Variants in AIG1 observed in about 807,000 individuals in gnomAD.
The protein encoded by AIG1 is androgen-induced gene 1 protein.
Under a neutral mutation model 31.4 loss-of-function variants are expected in AIG1, and 23 were observed. The ratio of observed to expected loss-of-function variants is 0.73; its 90% CI spans 0.53 to 1.04. The LOEUF (loss-of-function observed/expected upper bound fraction) is 1.04, where lower values mean the gene tolerates loss of function less well. Among genes scored for constraint, AIG1 ranks in the 50% least tolerant of loss-of-function variants. The probability of loss-of-function intolerance (pLI) is 0.00; values close to 1 mark genes in which losing one functional copy is unlikely to be tolerated. For missense variants in AIG1, 274 were observed against 295.0 expected (o/e 0.93, Z 0.52); for synonymous variants, 100 against 110.5 (o/e 0.90, Z 0.60).
intron 3 of AIG1, chr6:143,187,340 A>C: frequency 6.9e-7 from 1 of 1,439,440 alleles, no homozygotes; most frequent in Non-Finnish European, 9.4e-7. Flanking sequence ...CAGACCACAG[A>C]TATTTTGCTG....
chr6:143,110,012 G>T (rs73777873), intron 1 of AIG1, among the ~76,000 whole-genome samples: 2 of 152,086 alleles, frequency 1.3e-5, no homozygotes, highest in East Asian at 3.9e-4. Flanking sequence ...TTTGCCTTTC[G>T]CATTTCTGGT....
At chr6:143,128,272 C>G (rs1446629398) in intron 1 of AIG1, among the ~76,000 whole-genome samples, 1 of 152,040 alleles carries the variant, frequency 6.6e-6, no homozygotes, top group Non-Finnish European at 1.5e-5. Flanking sequence ...TCTAACATGA[C>G]TCAGTAAATC....
chr6:143,224,782 T>A (rs189868040), intron 3 of AIG1, among the ~76,000 whole-genome samples: 181 of 152,236 alleles, frequency 1.2e-3, no homozygotes, highest in Admixed American at 0.01. Flanking sequence ...TTTCCATCCC[T>A]CCTACCCCTA....
At position 143,138,620 on chromosome 6, in the gene AIG1, G is replaced by T. The variant is rs140621795; in HGVS notation, c.297+1630G>T. Among the ~76,000 whole-genome samples, 1,443 of 152,228 alleles carry T rather than the reference G, an allele frequency of 9.5e-3. 15 individuals are homozygous for T. The highest frequency in any genetic ancestry group is 0.032 in the African/African-American group (1,318 of 41,564). ...AATACAATAAAAAAGTAGGCCAGGCGCAGTGGCTCACGCCTGTAATCCCAG... is the reference window on the plus strand; with the variant it reads ...AATACAATAAAAAAGTAGGCCAGGCTCAGTGGCTCACGCCTGTAATCCCAG... On this transcript the variant is annotated intron_variant, in intron 2 of 5. Transcript: ENST00000357847.
intron 3 of AIG1, among the ~76,000 whole-genome samples, chr6:143,168,760 G>A (rs1787212710): frequency 6.6e-6 from 1 of 152,056 alleles, no homozygotes; most frequent in African/African-American, 2.4e-5. Flanking sequence ...CCATGATCAT[G>A]CTACTGCACT....
chr6:143,210,096 C>CT (rs937310763), intron 3 of AIG1, among the ~76,000 whole-genome samples: 1 of 152,146 alleles, frequency 6.6e-6, no homozygotes, highest in Admixed American at 6.5e-5. Flanking sequence ...TCATGCTGTT[C>CT]TTGTGATAGT....
chr6:143,282,866 A>G (rs1200029749), intron 3 of AIG1, among the ~76,000 whole-genome samples: 2 of 152,190 alleles, frequency 1.3e-5, no homozygotes, highest in African/African-American at 4.8e-5. Context: ...ACCTGGTTCT[A>G]TTTTGCTAGA....
intron 1 of AIG1, among the ~76,000 whole-genome samples, chr6:143,126,032 T>C (rs116244945): frequency 0.01 from 1,565 of 152,274 alleles, 27 homozygotes; most frequent in African/African-American, 0.036. Flanking sequence ...TCCTCAAAAA[T>C]GTTTGTGGTG....
At chr6:143,222,513 C>T (rs1242062546) in intron 3 of AIG1, among the ~76,000 whole-genome samples, 1 of 152,124 alleles carries the variant, frequency 6.6e-6, no homozygotes, top group African/African-American at 2.4e-5. Context: ...TTCATTTCAG[C>T]TCTGCCACTG....
chr6:143,272,197 A>G (rs184714083), intron 3 of AIG1, among the ~76,000 whole-genome samples: 59 of 152,302 alleles, frequency 3.9e-4, no homozygotes, highest in African/African-American at 1.4e-3. Context: ...AACACGAAAA[A>G]GAGGGATTAA....
intron 2 of AIG1, among the ~76,000 whole-genome samples, chr6:143,151,440 G>A (rs1785213820): frequency 1.3e-5 from 2 of 152,154 alleles, no homozygotes; most frequent in South Asian, 4.1e-4. Flanking sequence ...TGCAAATTAT[G>A]TGTATAACTT....
intron 3 of AIG1, among the ~76,000 whole-genome samples, chr6:143,272,529 C>G (rs1241439288): frequency 6.6e-6 from 1 of 152,174 alleles, no homozygotes; most frequent in African/African-American, 2.4e-5. Context: ...TAATAATAGG[C>G]CCATTGGCCA....
At chr6:143,190,641 C>T (rs969864067) in intron 3 of AIG1, 22 of 983,356 alleles carry the variant, frequency 2.2e-5, no homozygotes, top group Non-Finnish European at 2.5e-5. Context: ...TGAACAGGGG[C>T]CTTCTTTCCA....
chr6:143,145,895 T>TA (rs1784660564), intron 2 of AIG1, among the ~76,000 whole-genome samples: 1 of 152,180 alleles, frequency 6.6e-6, no homozygotes, highest in Non-Finnish European at 1.5e-5. Flanking sequence ...AAAAGATATA[T>TA]TTTTCCCATT....
chr6:143,214,660 A>T (rs1791865560), intron 3 of AIG1, among the ~76,000 whole-genome samples: 1 of 151,990 alleles, frequency 6.6e-6, no homozygotes, highest in African/African-American at 2.4e-5. Context: ...TTCTCAGGGA[A>T]CTCTTCAGTG....
At chr6:143,171,131 A>G (rs1021701257) in intron 3 of AIG1, among the ~76,000 whole-genome samples, 7 of 151,674 alleles carry the variant, frequency 4.6e-5, no homozygotes, top group Non-Finnish European at 8.8e-5. Context: ...TAGATAAACC[A>G]AAAAAGGTTC....
At chr6:143,119,369 G>T (rs113970401) in intron 1 of AIG1, among the ~76,000 whole-genome samples, 2,376 of 152,268 alleles carry the variant, frequency 0.016, 28 homozygotes, top group Non-Finnish European at 0.025. Flanking sequence ...TTCTCAAGAG[G>T]TGTCCATCTA....
chr6:143,323,623 A>G (rs1776391423), intron 4 of AIG1, among the ~76,000 whole-genome samples: 2 of 152,126 alleles, frequency 1.3e-5, no homozygotes, highest in Non-Finnish European at 2.9e-5. Flanking sequence ...TAAGGAGACC[A>G]TTTTGAGCCC....
chr6:143,088,988 A>T (rs970953053), intron 1 of AIG1, among the ~76,000 whole-genome samples: 10 of 152,138 alleles, frequency 6.6e-5, no homozygotes, highest in Non-Finnish European at 1.5e-5. Context: ...AGACAGGTGG[A>T]TCACTGGAGG....
Sources: gnomAD v4.1 joint callset for allele counts (sites outside exome capture counted in the v4.1 genomes callset) on GRCh38, gnomAD v4.1.1 for gene constraint, MANE v1.5 for transcripts, NCBI Gene and HGNC (gene_info 2026-07-23, HGNC 2026-07-21) for gene names.